SDK1: variants seen among roughly 807,000 people sequenced by gnomAD.
SDK1 encodes the protein sidekick cell adhesion molecule 1, also known as protein sidekick-1.
Under a neutral mutation model 245.5 loss-of-function variants are expected in SDK1, and 157 were observed. The ratio of observed to expected loss-of-function variants is 0.64; its 90% confidence interval spans 0.56 to 0.73. The LOEUF (loss-of-function observed/expected upper bound fraction) is 0.73, where lower values mean the gene tolerates loss of function less well. Among genes scored for constraint, SDK1 ranks in the 30% least tolerant of loss-of-function variants. SDK1 has a pLI of 0.00. For missense variants in SDK1, 3,583 were observed against 3,002.3 expected, an observed-to-expected ratio of 1.19 and a Z score of -4.52; for synonymous variants, 1,647 against 1,278.5, an observed-to-expected ratio of 1.29 and a Z score of -6.15.
intron 17 of SDK1, among the ~76,000 whole-genome samples, chr7:4,032,731 A>G (rs1207309879): frequency 1.3e-5 from 2 of 152,212 alleles, no homozygotes; most frequent in Admixed American, 6.5e-5. Context: ...CAATAACAGA[A>G]TAACATTAGA....
chr7:3,442,077 G>C (rs1459861363), intron 1 of SDK1, among the ~76,000 whole-genome samples: 1 of 152,122 alleles, frequency 6.6e-6, no homozygotes, highest in African/African-American at 2.4e-5. Flanking sequence ...GCCAGATGGT[G>C]GGCATTTTGG....
chr7:3,362,426 C>T (rs767480978), intron 1 of SDK1, among the ~76,000 whole-genome samples: 1 of 152,014 alleles, frequency 6.6e-6, no homozygotes, highest in Non-Finnish European at 1.5e-5. Flanking sequence ...TGTGTTTGAT[C>T]ATAAATATAT....
At chr7:3,985,153 A>C (rs1406413462) in intron 13 of SDK1, among the ~76,000 whole-genome samples, 1 of 152,180 alleles carries the variant, frequency 6.6e-6, no homozygotes, top group Admixed American at 6.5e-5. Context: ...CTTGGGGCCC[A>C]CCATGAGTCC....
chr7:4,029,218 T>TG, intron 17 of SDK1, among the ~76,000 whole-genome samples: 1 of 124,814 alleles, frequency 8.0e-6, no homozygotes, highest in Non-Finnish European at 1.6e-5. Flanking sequence ...TTCTTTCTTT[T>TG]TTTTTTTTTT....
intron 1 of SDK1, among the ~76,000 whole-genome samples, chr7:3,393,411 G>T (rs940298002): frequency 6.6e-6 from 1 of 152,160 alleles, no homozygotes; most frequent in African/African-American, 2.4e-5. Flanking sequence ...AGAAATGTTT[G>T]AGAGTTCCAA....
chr7:3,411,982 G>C (rs932711598), intron 1 of SDK1, among the ~76,000 whole-genome samples: 15 of 152,098 alleles, frequency 9.9e-5, no homozygotes, highest in African/African-American at 3.6e-4. Flanking sequence ...CAAAGAAAAG[G>C]AGATTTGATT....
chr7:3,986,587 A>G (rs58473578), intron 13 of SDK1, among the ~76,000 whole-genome samples: 6,786 of 152,252 alleles, frequency 0.045, 299 homozygotes, highest in African/African-American at 0.11. Flanking sequence ...TAGGCCGGGC[A>G]TGGTGGCTCA....
intron 4 of SDK1, among the ~76,000 whole-genome samples, chr7:3,691,255 T>A (rs570664434): frequency 1.3e-5 from 2 of 152,364 alleles, no homozygotes; most frequent in South Asian, 4.1e-4. Context: ...TAAGTTGTTA[T>A]GATTACCACA....
At chr7:4,035,897 C>A (rs1788174081) in intron 17 of SDK1, among the ~76,000 whole-genome samples, 1 of 151,974 alleles carries the variant, frequency 6.6e-6, no homozygotes, top group Non-Finnish European at 1.5e-5. Flanking sequence ...TTTACAAATC[C>A]ATAATAATAA....
chr7:3,573,662 T>C (rs568560251), intron 1 of SDK1, among the ~76,000 whole-genome samples: 19 of 152,046 alleles, frequency 1.2e-4, no homozygotes, highest in Admixed American at 3.3e-4. Flanking sequence ...TTCCCAGGAG[T>C]TGAGTCGGTA....
At chr7:3,761,797 C>G (rs1221849964) in intron 4 of SDK1, among the ~76,000 whole-genome samples, 1 of 152,024 alleles carries the variant, frequency 6.6e-6, no homozygotes, top group African/African-American at 2.4e-5. Context: ...TAAATACAAA[C>G]TGACAACAAA....
Position 4,119,186 on chromosome 7 carries a change from G to A in SDK1, c.3823+4912G>A, listed in dbSNP as rs575068041. ...AAGTATGGGCTGGGGGCTGTGATTCGTACCTGTAATCCCAACACTTTGAGA... is the reference window on the plus strand; with the variant it reads ...AAGTATGGGCTGGGGGCTGTGATTCATACCTGTAATCCCAACACTTTGAGA... On this transcript the variant is annotated intron_variant, in intron 25 of 44. Coordinates refer to ENST00000404826, the MANE Select transcript of SDK1 (RefSeq NM_152744.4). Among the ~76,000 whole-genome samples the A allele has an allele frequency of 1.1e-4, 16 of 148,544 alleles. 3 individuals are homozygous for A. Among genetic ancestry groups the A allele is most frequent in the South Asian group, 2.2e-4 (1 of 4,478 alleles).
intron 5 of SDK1, among the ~76,000 whole-genome samples, chr7:3,894,092 T>C (rs747604035): frequency 6.6e-6 from 1 of 152,214 alleles, no homozygotes; most frequent in Non-Finnish European, 1.5e-5. Flanking sequence ...AGGAGTGTTT[T>C]AAGTACTTCA....
At position 3,319,306 on chromosome 7, in the gene SDK1, C is replaced by G. The variant is rs548343718; in HGVS notation, c.298+17422C>G. ...ATGGCTCTCATTTGACACAAGCTGT[C>G]ATGCTTGTAGGAGTCAGGATTGTTG... On this transcript the variant is annotated intron_variant, in intron 1 of 44. Transcript: ENST00000404826. Among the ~76,000 whole-genome samples the G allele has an allele frequency of 5.3e-5, 8 of 152,258 alleles. No individual in the cohort carries two copies. In the South Asian group the frequency reaches 1.7e-3, roughly 32 times the overall value.
chr7:3,739,511 A>G (rs935323203), intron 4 of SDK1, among the ~76,000 whole-genome samples: 2 of 152,054 alleles, frequency 1.3e-5, no homozygotes, highest in Admixed American at 1.3e-4. Flanking sequence ...AGTAATTGCT[A>G]TTAGCCTGTC....
Position 4,114,024 on chromosome 7 carries a change from C to T in SDK1, c.3586-13C>T, listed in dbSNP as rs372501705. On this transcript the variant is annotated splice_polypyrimidine_tract_variant and intron_variant, in intron 24 of 44. Transcript: ENST00000404826. ...GAGATGTCAGCTCATCGCGACTCCT[C>T]GTTCCTTCCTAGCCCCTGCCGGATT... 68 of 1,611,036 alleles carry T rather than the reference C, an allele frequency of 4.2e-5. No homozygotes were observed. The highest frequency in any genetic ancestry group is 3.8e-4 in the East Asian group (17 of 44,870).
At chr7:3,540,046 CAAAA>C (rs758132445) in intron 1 of SDK1, among the ~76,000 whole-genome samples, 2 of 152,082 alleles carry the variant, frequency 1.3e-5, no homozygotes, top group African/African-American at 4.8e-5. Flanking sequence ...TTTTGAGTCA[CAAAA>C]AAAACACATA....
intron 5 of SDK1, among the ~76,000 whole-genome samples, chr7:3,824,406 A>T (rs753316500): frequency 6.6e-6 from 1 of 152,226 alleles, no homozygotes; most frequent in Non-Finnish European, 1.5e-5. Flanking sequence ...AGAATAAAGC[A>T]GGGAACCTTT....
In SDK1 at chr7:4,178,547, C is replaced by T; in HGVS notation, c.5059C>T (p.Pro1687Ser). 1 of 1,613,434 alleles carries T rather than the reference C, an allele frequency of 6.2e-7. No homozygotes were observed. Among genetic ancestry groups the T allele is most frequent in the Non-Finnish European group, 8.5e-7 (1 of 1,179,956 alleles). ...MTAYNIIGESPASAPVEVFVG... is the reference protein window; with the variant it reads ...MTAYNIIGESSASAPVEVFVG... ...CGCCTATAACATCATCGGCGAGAGC[C>T]CAGCCAGCGCGCCCGTGGAGGTCTT... is the stretch of plus-strand genomic sequence containing the variant. Residue 1687 changes from proline (P) to serine (S), a missense_variant, in exon 35 of 45, where the codon CCA (proline) becomes TCA (serine). Physicochemically the swap from Pro to Ser is moderately conservative, Grantham distance 74. Transcript: ENST00000404826.
Sources: gnomAD v4.1 joint callset for allele counts (sites outside exome capture counted in the v4.1 genomes callset) on GRCh38, gnomAD v4.1.1 for gene constraint, MANE v1.5 for transcripts, NCBI Gene and HGNC (gene_info 2026-07-23, HGNC 2026-07-21) for gene names.